The following PIKFYVE variants were observed in gnomAD, a reference collection of about 807,000 sequenced individuals.
PIKFYVE encodes 1-phosphatidylinositol 3-phosphate 5-kinase.
In PIKFYVE, 122 loss-of-function variants were observed where a neutral mutation model predicts 257.9. The ratio of observed to expected loss-of-function variants is 0.47; its 90% CI spans 0.41 to 0.55. The LOEUF (loss-of-function observed/expected upper bound fraction) is 0.55. PIKFYVE is among the 20% of genes least tolerant of loss of function. PIKFYVE has a pLI of 0.00. For missense variants in PIKFYVE, 2,160 were observed against 2,536.6 expected (o/e 0.85, Z 3.19); for synonymous variants, 892 against 868.9 (o/e 1.03, Z -0.47).
chr2:208,273,472 T>G, intron 2 of PIKFYVE, 112 bp from the exon 3 acceptor site: 1 of 1,258,414 alleles, frequency 7.9e-7, no homozygotes, highest in African/African-American at 1.5e-5. Flanking sequence ...AAAAAAATTT[T>G]TAGTTACGCA....
chr2:208,335,316 A>T lies in PIKFYVE; in HGVS notation c.4153A>T (p.Ile1385Phe). The T allele has an allele frequency of 1.9e-6, 3 of 1,602,536 alleles. No individual in the cohort carries two copies. In the East Asian group the frequency reaches 6.7e-5, roughly 36 times the overall value. ...GTATTTTCTTCTCAGTTATTCTCCC[A>T]TTCGGCTTCTTGAAGTATGTGTTCC... Reference protein sequence around the residue: ...QMVASFSYSPIRLLEVCVPLP... With the variant: ...QMVASFSYSPFRLLEVCVPLP... Residue 1385 changes from isoleucine (I) to phenylalanine (F), a missense_variant, in exon 25 of 42, where the codon ATT becomes TTT. Physicochemically the swap from Ile to Phe is conservative, Grantham distance 21. This residue lies in a region of PIKFYVE where 699 missense variants were observed against 855.8 expected (regional missense o/e 0.82). Coordinates refer to ENST00000264380, the MANE Select transcript of PIKFYVE (RefSeq NM_015040.4).
At chr2:208,296,454 A>G (rs1692999822) in intron 7 of PIKFYVE, among the ~76,000 whole-genome samples, 1 of 152,210 alleles carries the variant, frequency 6.6e-6, no homozygotes, top group African/African-American at 2.4e-5. Context: ...TGGGAGGAAC[A>G]GTTTGGTTTT....
chr2:208,354,652 A>G lies in PIKFYVE; in HGVS notation c.6181+7A>G. On this transcript the variant is annotated splice_region_variant and intron_variant, in intron 41 of 41. Coordinates refer to ENST00000264380, the MANE Select transcript of PIKFYVE (RefSeq NM_015040.4). Reference sequence around the variant, plus strand: ...GGAATTTTAGGTGGACAAGGTGAGAATTTTTGTTTTGTTTAAATTGTTCAC... The same window carrying G: ...GGAATTTTAGGTGGACAAGGTGAGAGTTTTTGTTTTGTTTAAATTGTTCAC... The G allele has an allele frequency of 6.2e-7, 1 of 1,607,272 alleles. No individual in the cohort carries two copies. Among genetic ancestry groups the G allele is most frequent in the South Asian group, 1.1e-5 (1 of 90,960 alleles).
At position 208,310,146 on chromosome 2, in the gene PIKFYVE, A is replaced by ATTTT. The variant is rs1559099758; in HGVS notation, c.1637-2090_1637-2089insTTTT. Among the ~76,000 whole-genome samples, 104 of 152,296 alleles carry ATTTT rather than the reference A, an allele frequency of 6.8e-4. 1 individual carries two copies. Among genetic ancestry groups the ATTTT allele is most frequent in the Middle Eastern group, 3.4e-3 (1 of 294 alleles). On this transcript the variant is annotated intron_variant, in intron 12 of 41. Transcript: ENST00000264380. ...GCTGAGTGTTATAGTCAAGATGAAC[A>ATTTT]CTGATTATCAGAAAATAAAGATTTC... is the stretch of plus-strand genomic sequence containing the variant.
Position 208,271,819 on chromosome 2 carries a change from G to C in PIKFYVE, c.172+128G>C, listed in dbSNP as rs1574389019. 6.8e-6 allele frequency: 6 copies of C among 888,786 alleles called. No individual in the cohort carries two copies. In the South Asian group the frequency reaches 8.1e-5, roughly 12 times the overall value. 55.1% of individuals were successfully genotyped at this position (888,786 alleles called of 1,614,324 possible). On this transcript the variant is annotated intron_variant, in intron 2 of 41. Coordinates refer to ENST00000264380, the MANE Select transcript of PIKFYVE (RefSeq NM_015040.4). ...TTCAGCTTTAATGCTGGGTCTGTAA[G>C]AAAGTGAAATATTAACAAGCGATAG...
chr2:208,299,429 A>G (rs1214116004), intron 8 of PIKFYVE, among the ~76,000 whole-genome samples: 2 of 152,124 alleles, frequency 1.3e-5, no homozygotes, highest in South Asian at 2.1e-4. Flanking sequence ...AGCTGGGACT[A>G]CAGGCATGTG....
intron 9 of PIKFYVE, 22 bp from the exon 10 acceptor site, chr2:208,302,220 A>G (rs2125331789): frequency 6.2e-7 from 1 of 1,609,418 alleles, no homozygotes; most frequent in South Asian, 1.1e-5. Flanking sequence ...AAAACTTTTC[A>G]TTTTTGTGGG....
At chr2:208,296,430 G>GT (rs1692995643) in intron 7 of PIKFYVE, among the ~76,000 whole-genome samples, 1 of 152,194 alleles carries the variant, frequency 6.6e-6, no homozygotes, top group Non-Finnish European at 1.5e-5. Flanking sequence ...AGTTGGAGGG[G>GT]TGGAATTACC....
chr2:208,298,497 A>G (rs1693270913), intron 7 of PIKFYVE, 144 bp from the exon 8 acceptor site: 1 of 1,027,254 alleles, frequency 9.7e-7, no homozygotes, highest in Non-Finnish European at 1.4e-6. Context: ...CAATGATAAT[A>G]TCATGCATAA....
In PIKFYVE at chr2:208,336,778, C is replaced by G; in HGVS notation, c.4521-60C>G. ...AAGTTGTAAAGAGAAAATTTATAAA[C>G]AGCACTCAAGGGGCTAGAAACAAAC... On this transcript the variant is annotated intron_variant, in intron 27 of 41. Transcript: ENST00000264380. 3 of 1,094,202 alleles carry G rather than the reference C, an allele frequency of 2.7e-6. No individual in the cohort carries two copies. In the African/African-American group the frequency reaches 4.7e-5, roughly 17 times the overall value. 67.8% of individuals were successfully genotyped at this position (1,094,202 alleles called of 1,614,324 possible). A position where few individuals can be genotyped will look rare whatever the true frequency, so the allele number is the denominator to read the frequency against.
At chr2:208,332,229 T>A (rs1337011333) in intron 23 of PIKFYVE, among the ~76,000 whole-genome samples, 1 of 152,184 alleles carries the variant, frequency 6.6e-6, no homozygotes, top group African/African-American at 2.4e-5. Flanking sequence ...TCATTAGTAG[T>A]CAGGTAAGCA....
intron 7 of PIKFYVE, among the ~76,000 whole-genome samples, chr2:208,289,175 A>G (rs1212711425): frequency 1.3e-5 from 2 of 152,218 alleles, no homozygotes; most frequent in Non-Finnish European, 2.9e-5. Context: ...AGGAATAACA[A>G]GGAATCCTAT....
Position 208,294,637 on chromosome 2 carries a change from G to GT in PIKFYVE, c.912-3997dup, listed in dbSNP as rs1261292087. Among the ~76,000 whole-genome samples the GT allele has an allele frequency of 1.4e-4, 22 of 152,112 alleles. 1 individual carries two copies. The highest frequency in any genetic ancestry group is 5.3e-4 in the African/African-American group (22 of 41,498). On this transcript the variant is annotated intron_variant, in intron 7 of 41. Transcript: ENST00000264380. ...ACTGTAAACTTTATCAGGGCTTTTC[G>GT]TTTTTTTCCCCTTAGGTGAGACAGA...
Position 208,358,100 on chromosome 2 carries a change from A to G in PIKFYVE, c.*2795A>G, listed in dbSNP as rs1033670776. The stretch of plus-strand genomic sequence containing the variant: ...ACTATAATTTTTTCCATGATTTAGC[A>G]GTGAGTGATTTTCTAGCTTTGGCTC... On this transcript the variant is annotated 3_prime_UTR_variant, in exon 42 of 42. Transcript: ENST00000264380. 1 of 152,246 alleles carries G rather than the reference A, an allele frequency of 6.6e-6. No homozygotes were observed. Among genetic ancestry groups the G allele is most frequent in the Non-Finnish European group, 1.5e-5 (1 of 68,024 alleles). The allele number at this position is 152,246 out of a possible 1,614,324, so 9.4% of individuals were successfully genotyped here. A position where few individuals can be genotyped will look rare whatever the true frequency, so the allele number is the denominator to read the frequency against.
chr2:208,311,799 T>TCAGGTGG (rs1694962700), intron 12 of PIKFYVE, among the ~76,000 whole-genome samples: 2 of 152,314 alleles, frequency 1.3e-5, no homozygotes, highest in South Asian at 4.1e-4. Context: ...AAGTTTATAT[T>TCAGGTGG]GTTTTATCAG....
chr2:208,346,162 G>A lies in PIKFYVE; in HGVS notation c.5209+15G>A. ...ACCACAACCAAGTAAGATTACACAT[G>A]GAGGAATATTTATAATTAGATTTAC... On this transcript the variant is annotated intron_variant, in intron 34 of 41. Coordinates refer to ENST00000264380, the MANE Select transcript of PIKFYVE (RefSeq NM_015040.4). 2 of 1,563,038 alleles carry A rather than the reference G, an allele frequency of 1.3e-6. No individual in the cohort carries two copies. The highest frequency in any genetic ancestry group is 1.8e-6 in the Non-Finnish European group (2 of 1,134,096).
chr2:208,272,617 TTGTC>T (rs1423365439), intron 2 of PIKFYVE, among the ~76,000 whole-genome samples: 4 of 152,194 alleles, frequency 2.6e-5, no homozygotes, highest in Non-Finnish European at 5.9e-5. Context: ...TGTCTTTTGT[TTGTC>T]TGTATTACTT....
At chr2:208,347,585 T>C (rs1699346344) in intron 34 of PIKFYVE, among the ~76,000 whole-genome samples, 1 of 152,204 alleles carries the variant, frequency 6.6e-6, no homozygotes. Context: ...TCCCTATATT[T>C]TTATATTAAT....
chr2:208,270,763 G>A (rs1454615304), intron 1 of PIKFYVE, among the ~76,000 whole-genome samples: 1 of 152,174 alleles, frequency 6.6e-6, no homozygotes, highest in Non-Finnish European at 1.5e-5. Flanking sequence ...GCCAGGCATG[G>A]TGGCTCATGC....
Sources: allele counts gnomAD v4.1 joint callset (sites outside exome capture counted in the v4.1 genomes callset), GRCh38; gene constraint gnomAD v4.1.1; regional missense constraint gnomAD v4.1.1; transcripts MANE v1.5; gene names NCBI Gene and HGNC (gene_info 2026-07-23, HGNC 2026-07-21).